The following LHFPL2 variants were observed in gnomAD, a reference collection of about 807,000 sequenced individuals.
The protein encoded by LHFPL2 is LHFPL tetraspan subfamily member 2 protein.
A neutral mutation model predicts 17.5 loss-of-function variants in LHFPL2; 7 were observed. The observed-to-expected ratio is 0.40, with a 90% CI of 0.23 to 0.75. The LOEUF is 0.75. LHFPL2 is among the 30% of genes least tolerant of loss of function. The pLI is 0.37. For missense variants in LHFPL2, 241 were observed against 294.8 expected, an observed-to-expected ratio of 0.82 and a Z score of 1.34; for synonymous variants, 134 against 116.2, an observed-to-expected ratio of 1.15 and a Z score of -0.99.
intron 2 of LHFPL2, among the ~76,000 whole-genome samples, chr5:78,593,330 A>C (rs776256895): frequency 2.0e-5 from 3 of 152,182 alleles, no homozygotes; most frequent in Admixed American, 2.0e-4. Flanking sequence ...AAGAAGAGCT[A>C]AAGTCAAGAG....
chr5:78,605,035 T>A lies in LHFPL2; in HGVS notation c.-245+27229A>T, dbSNP rs10076909. 4.3e-3 allele frequency among the ~76,000 whole-genome samples: 657 copies of A among 152,338 alleles called. 1 individual carries two copies. The highest frequency in any genetic ancestry group is 7.0e-3 in the Non-Finnish European group (478 of 68,036). On this transcript the variant is annotated intron_variant, in intron 2 of 4. Coordinates refer to ENST00000380345, the MANE Select transcript of LHFPL2 (RefSeq NM_005779.3). ...GTACAACATAATGTGCCTGAAAAAC[T>A]CATCTTTCAAAATTGTTTTATCAGA... is the stretch of plus-strand genomic sequence containing the variant.
chr5:78,638,958 A>G (rs1013282162), intron 1 of LHFPL2, among the ~76,000 whole-genome samples: 1 of 152,250 alleles, frequency 6.6e-6, no homozygotes, highest in Non-Finnish European at 1.5e-5. Context: ...GATGGCAGTT[A>G]TTAAGTTTTT....
intron 1 of LHFPL2, among the ~76,000 whole-genome samples, chr5:78,636,142 C>T (rs1277173683): frequency 6.6e-6 from 1 of 152,210 alleles, no homozygotes; most frequent in Non-Finnish European, 1.5e-5. Context: ...GTGGCCCTGC[C>T]TCCTGCTCTG....
intron 3 of LHFPL2, among the ~76,000 whole-genome samples, chr5:78,560,317 G>A (rs565153303): frequency 6.6e-6 from 1 of 152,174 alleles, no homozygotes; most frequent in African/African-American, 2.4e-5. Flanking sequence ...AACTGCTGCC[G>A]AAAACTAAGC....
intron 4 of LHFPL2, among the ~76,000 whole-genome samples, chr5:78,498,397 C>T (rs975534321): frequency 2.0e-5 from 3 of 152,138 alleles, no homozygotes; most frequent in Non-Finnish European, 2.9e-5. Flanking sequence ...CTGTGTGCTT[C>T]CCTCTGTTTT....
chr5:78,533,502 G>A (rs1712031767), intron 3 of LHFPL2, among the ~76,000 whole-genome samples: 1 of 152,140 alleles, frequency 6.6e-6, no homozygotes, highest in Admixed American at 6.5e-5. Flanking sequence ...CTATGGAAAA[G>A]GTAAGTATAA....
intron 2 of LHFPL2, among the ~76,000 whole-genome samples, chr5:78,611,907 G>A (rs749388988): frequency 9.9e-5 from 15 of 152,126 alleles, no homozygotes; most frequent in African/African-American, 2.9e-4. Context: ...TGATACAGAC[G>A]AGTTCTGAGA....
intron 3 of LHFPL2, among the ~76,000 whole-genome samples, chr5:78,521,466 T>C (rs1186841764): frequency 6.6e-6 from 1 of 152,234 alleles, no homozygotes; most frequent in East Asian, 1.9e-4. Flanking sequence ...TGAGATGACA[T>C]TAATTTAAAG....
intron 2 of LHFPL2, among the ~76,000 whole-genome samples, chr5:78,568,652 T>C (rs1267480219): frequency 6.6e-6 from 1 of 152,178 alleles, no homozygotes; most frequent in Non-Finnish European, 1.5e-5. Context: ...AACTGTGTAA[T>C]AAACAGAGTT....
intron 2 of LHFPL2, among the ~76,000 whole-genome samples, chr5:78,610,702 A>G (rs1744392379): frequency 6.6e-6 from 1 of 152,166 alleles, no homozygotes; most frequent in South Asian, 2.1e-4. Context: ...GCCTCTAACA[A>G]TGAAAGCAGC....
At chr5:78,584,649 C>A in intron 2 of LHFPL2, among the ~76,000 whole-genome samples, 1 of 152,210 alleles carries the variant, frequency 6.6e-6, no homozygotes, top group Non-Finnish European at 1.5e-5. Context: ...GTTCTCAGAT[C>A]TCCAGCTGCA....
At chr5:78,592,632 A>C (rs140919921) in intron 2 of LHFPL2, among the ~76,000 whole-genome samples, 19 of 73,706 alleles carry the variant, frequency 2.6e-4, no homozygotes, top group African/African-American at 7.9e-4. Flanking sequence ...ACACACACAC[A>C]CACACACATT....
chr5:78,594,016 A>G (rs1274605333), intron 2 of LHFPL2, among the ~76,000 whole-genome samples: 2 of 152,252 alleles, frequency 1.3e-5, no homozygotes, highest in Admixed American at 1.3e-4. Flanking sequence ...ACTCGTAGAT[A>G]GGAACTCATT....
chr5:78,575,925 GCT>G (rs1757119716), intron 2 of LHFPL2, among the ~76,000 whole-genome samples: 1 of 152,160 alleles, frequency 6.6e-6, no homozygotes, highest in Non-Finnish European at 1.5e-5. Context: ...ACAGGGTCTT[GCT>G]CTGTCACCTA....
intron 2 of LHFPL2, among the ~76,000 whole-genome samples, chr5:78,608,900 C>A (rs1016316980): frequency 9.3e-5 from 14 of 150,500 alleles, no homozygotes; most frequent in Non-Finnish European, 1.5e-4. Flanking sequence ...CCACTGCACT[C>A]CAGCCTAGGC....
At chr5:78,506,301 C>T (rs536500089) in intron 4 of LHFPL2, among the ~76,000 whole-genome samples, 8 of 152,290 alleles carry the variant, frequency 5.3e-5, no homozygotes, top group African/African-American at 7.2e-5. Flanking sequence ...AATATGCTTA[C>T]GATCATTTCT....
chr5:78,628,758 A>T (rs1745147494), intron 2 of LHFPL2, among the ~76,000 whole-genome samples: 1 of 152,222 alleles, frequency 6.6e-6, no homozygotes, highest in Non-Finnish European at 1.5e-5. Context: ...CTGCAAGGAG[A>T]GCTTCAGCTG....
rs61193086 is a variant in LHFPL2, at chr5:78,592,727, TAC to T, written c.-244-27858_-244-27857del. ...TCTTCAACTTAGTGAAAAATTCAGA[TAC>T]ACACACACACACACACACACACACA... On this transcript the variant is annotated intron_variant, in intron 2 of 4. Coordinates refer to ENST00000380345, the MANE Select transcript of LHFPL2 (RefSeq NM_005779.3). Among the ~76,000 whole-genome samples, 146 of 30,846 alleles carry T rather than the reference TAC, an allele frequency of 4.7e-3. 16 individuals are homozygous for T. The Middle Eastern group carries it at 0.068, about 14-fold the overall frequency. 20.2% of individuals were successfully genotyped at this position (30,846 alleles called of 152,430 possible). A position where few individuals can be genotyped will look rare whatever the true frequency, so the allele number is the denominator to read the frequency against.
chr5:78,503,082 C>T (rs534183494), intron 4 of LHFPL2, among the ~76,000 whole-genome samples: 3 of 152,262 alleles, frequency 2.0e-5, no homozygotes, highest in Admixed American at 6.5e-5. Flanking sequence ...TGGCTGACCG[C>T]GCTGTAGGAC....
Sources: gnomAD v4.1 joint callset for allele counts (sites outside exome capture counted in the v4.1 genomes callset) on GRCh38, gnomAD v4.1.1 for gene constraint, MANE v1.5 for transcripts, NCBI Gene and HGNC (gene_info 2026-07-23, HGNC 2026-07-21) for gene names.